Variants in PXDNL observed in about 807,000 individuals in gnomAD.
PXDNL encodes the protein peroxidasin like.
Under a neutral mutation model 150.8 loss-of-function variants are expected in PXDNL, and 145 were observed. That is an observed-to-expected ratio of 0.96 (90% CI 0.84 to 1.10). The LOEUF is 1.10. Among genes scored for constraint, PXDNL ranks in the 50% least tolerant of loss-of-function variants. The probability of loss-of-function intolerance (pLI) is 0.00; values close to 1 mark genes in which losing one functional copy is unlikely to be tolerated. For synonymous variants in PXDNL, 757 were observed against 725.7 expected (o/e 1.04, Z -0.69); for missense variants, 2,087 against 1,873.9 (o/e 1.11, Z -2.10).
intron 3 of PXDNL, among the ~76,000 whole-genome samples, chr8:51,587,019 A>G (rs753978106): frequency 2.0e-5 from 3 of 152,192 alleles, no homozygotes; most frequent in Non-Finnish European, 2.9e-5. Flanking sequence ...GGGTAATTTG[A>G]AACTTGTGAA....
chr8:51,777,828 G>A (rs542107276), intron 1 of PXDNL, among the ~76,000 whole-genome samples: 183 of 152,210 alleles, frequency 1.2e-3, no homozygotes, highest in East Asian at 5.6e-3. Context: ...GCATGAACCC[G>A]GGAGGCGGAG....
At chr8:51,536,306 G>A (rs1253355452) in intron 4 of PXDNL, among the ~76,000 whole-genome samples, 1 of 152,214 alleles carries the variant, frequency 6.6e-6, no homozygotes, top group African/African-American at 2.4e-5. Context: ...TCTGCATCTA[G>A]ACTATGAGGC....
chr8:51,541,723 GTC>G (rs1013428529), intron 4 of PXDNL, among the ~76,000 whole-genome samples: 1 of 152,068 alleles, frequency 6.6e-6, no homozygotes, highest in Non-Finnish European at 1.5e-5. Context: ...AAGCCTGCTG[GTC>G]TCTGGTTGGG....
rs199865448 is a variant in PXDNL at position 51,453,775 on chromosome 8, G to A, written c.993C>T (p.Ser331=). 2.8e-5 allele frequency: 45 copies of A among 1,613,734 alleles called. No homozygotes were observed. The Admixed American group carries it at 7.2e-4, about 26-fold the overall frequency. Residue 331 remains serine (S), a synonymous_variant, in exon 10 of 23, where the codon AGC becomes AGT. Transcript: ENST00000356297. The stretch of plus-strand genomic sequence containing the variant: ...CTGTGTCCTGAGGCTGGATTACAAA[G>A]CTTGGTTTGGCTGATGGTAAAGGGG... ...LRYSSLPAKP[S]FVIQPQDTEV...
At chr8:51,728,878 G>T (rs142421763) in intron 1 of PXDNL, among the ~76,000 whole-genome samples, 4 of 152,012 alleles carry the variant, frequency 2.6e-5, no homozygotes, top group African/African-American at 9.7e-5. Context: ...ACATTTACTC[G>T]CCACTCACTC....
chr8:51,415,866 C>T (rs1808786288), intron 14 of PXDNL, among the ~76,000 whole-genome samples: 1 of 151,902 alleles, frequency 6.6e-6, no homozygotes, highest in South Asian at 2.1e-4. Context: ...ATTAGTTAAC[C>T]AATTGAGGAA....
intron 1 of PXDNL, among the ~76,000 whole-genome samples, chr8:51,741,439 CTTT>C (rs11422543): frequency 2.6e-5 from 4 of 152,020 alleles, no homozygotes; most frequent in African/African-American, 4.8e-5. Flanking sequence ...CCTTCTTTGT[CTTT>C]TTTATCTTTG....
chr8:51,514,808 A>G (rs762857103), intron 4 of PXDNL, among the ~76,000 whole-genome samples: 4 of 152,220 alleles, frequency 2.6e-5, no homozygotes, highest in Non-Finnish European at 5.9e-5. Flanking sequence ...AGAAAGTTGC[A>G]TCCCCACACT....
At chr8:51,427,856 A>G (rs775293807) in intron 12 of PXDNL, among the ~76,000 whole-genome samples, 11 of 152,218 alleles carry the variant, frequency 7.2e-5, no homozygotes, top group Non-Finnish European at 1.5e-4. Flanking sequence ...TATTCAACAC[A>G]GTGCTGCAAG....
chr8:51,707,112 T>C (rs568278904), intron 1 of PXDNL, among the ~76,000 whole-genome samples: 19 of 152,352 alleles, frequency 1.2e-4, no homozygotes, highest in African/African-American at 4.6e-4. Flanking sequence ...TAATAATTTG[T>C]TTTGGATCAT....
intron 1 of PXDNL, among the ~76,000 whole-genome samples, chr8:51,746,398 T>C (rs1435458421): frequency 6.6e-6 from 1 of 152,150 alleles, no homozygotes; most frequent in South Asian, 2.1e-4. Context: ...AACAGTTGAT[T>C]TTCTCCCCTG....
chr8:51,418,290 A>G (rs1161322029), intron 14 of PXDNL, among the ~76,000 whole-genome samples: 1 of 152,224 alleles, frequency 6.6e-6, no homozygotes, highest in East Asian at 1.9e-4. Context: ...GATAGCAAAG[A>G]TTGTCATGTA....
rs545778859 is a variant in PXDNL at position 51,801,100 on chromosome 8, C to T, written c.164+8081G>A. On this transcript the variant is annotated intron_variant, in intron 1 of 22. Coordinates refer to ENST00000356297, the MANE Select transcript of PXDNL (RefSeq NM_144651.5). ...GGAGAAATATCACTAAATTCTTCTCCTAGCAAGGAATATTAAATATTAAGA... is the reference window on the plus strand; with the variant it reads ...GGAGAAATATCACTAAATTCTTCTCTTAGCAAGGAATATTAAATATTAAGA... 5.3e-5 allele frequency among the ~76,000 whole-genome samples: 8 copies of T among 152,250 alleles called. 1 individual carries two copies. The highest frequency in any genetic ancestry group is 1.4e-4 in the African/African-American group (6 of 41,554).
chr8:51,415,432 CA>C (rs1808769688), intron 14 of PXDNL, among the ~76,000 whole-genome samples: 1 of 152,102 alleles, frequency 6.6e-6, no homozygotes, highest in African/African-American at 2.4e-5. Context: ...ATGGCTGGAA[CA>C]GGAGAGAGAG....
chr8:51,566,242 G>A (rs1274491043), intron 3 of PXDNL, among the ~76,000 whole-genome samples: 4 of 151,734 alleles, frequency 2.6e-5, no homozygotes, highest in Non-Finnish European at 5.9e-5. Flanking sequence ...TTGGTCTGTG[G>A]TTATTATTTC....
At chr8:51,776,022 T>G (rs575671689) in intron 1 of PXDNL, among the ~76,000 whole-genome samples, 6 of 152,304 alleles carry the variant, frequency 3.9e-5, no homozygotes, top group Non-Finnish European at 7.4e-5. Flanking sequence ...AACGGCTGTC[T>G]TTTACAGTTG....
At chr8:51,340,535 T>C (rs1805957763) in intron 20 of PXDNL, among the ~76,000 whole-genome samples, 1 of 152,260 alleles carries the variant, frequency 6.6e-6, no homozygotes, top group African/African-American at 2.4e-5. Flanking sequence ...CTTTCAAAAT[T>C]GTTCTGCTTT....
intron 16 of PXDNL, among the ~76,000 whole-genome samples, chr8:51,409,971 T>C (rs1490792477): frequency 6.6e-6 from 1 of 152,248 alleles, no homozygotes; most frequent in Admixed American, 6.5e-5. Context: ...TCCTAACTTC[T>C]ACTCTGTGCC....
chr8:51,728,320 T>TAATCATTATTA (rs962698667), intron 1 of PXDNL, among the ~76,000 whole-genome samples: 1 of 152,248 alleles, frequency 6.6e-6, no homozygotes, highest in African/African-American at 2.4e-5. Context: ...ATTATACTTT[T>TAATCATTATTA]AATCATTATT....
Sources: allele counts gnomAD v4.1 joint callset (sites outside exome capture counted in the v4.1 genomes callset), GRCh38; gene constraint gnomAD v4.1.1; transcripts MANE v1.5; gene names NCBI Gene and HGNC (gene_info 2026-07-23, HGNC 2026-07-21).